The following PDE4D variants were observed in gnomAD, a reference collection of about 807,000 sequenced individuals.
PDE4D encodes the protein 3',5'-cyclic-AMP phosphodiesterase 4D.
Under a neutral mutation model 87.4 loss-of-function variants are expected in PDE4D, and 24 were observed. That is an observed-to-expected ratio of 0.27 (90% CI 0.20 to 0.39). The LOEUF (loss-of-function observed/expected upper bound fraction) is 0.39. Among genes scored for constraint, PDE4D ranks in the 10% least tolerant of loss-of-function variants. The pLI is 1.00. For synonymous variants in PDE4D, 384 were observed against 383.2 expected, an observed-to-expected ratio of 1.00 and a Z score of -0.02; for missense variants, 714 against 1,041.0, an observed-to-expected ratio of 0.69 and a Z score of 4.32.
At chr5:59,948,471 G>A (rs1269955250) in intron 3 of PDE4D, among the ~76,000 whole-genome samples, 2 of 152,190 alleles carry the variant, frequency 1.3e-5, no homozygotes, top group African/African-American at 4.8e-5. Flanking sequence ...GTTGTGCAGA[G>A]TGCAATTCTA....
intron 2 of PDE4D, among the ~76,000 whole-genome samples, chr5:60,013,140 C>G (rs796697362): frequency 6.6e-6 from 1 of 152,064 alleles, no homozygotes; most frequent in Non-Finnish European, 1.5e-5. Context: ...TTTTGGACCC[C>G]GTATAATCCT....
chr5:59,940,476 G>C (rs1007037166), intron 3 of PDE4D, among the ~76,000 whole-genome samples: 2 of 152,044 alleles, frequency 1.3e-5, no homozygotes, highest in Admixed American at 1.3e-4. Context: ...CAAACGAAAG[G>C]TATTTAAATG....
intron 1 of PDE4D, among the ~76,000 whole-genome samples, chr5:59,823,856 G>T (rs1769998631): frequency 6.8e-6 from 1 of 147,770 alleles, no homozygotes; most frequent in Non-Finnish European, 1.5e-5. Flanking sequence ...CTAGAATGCT[G>T]CTCTTCCCAC....
chr5:59,311,513 A>AAAAC (rs1375878153), intron 1 of PDE4D, among the ~76,000 whole-genome samples: 17 of 150,188 alleles, frequency 1.1e-4, no homozygotes, highest in African/African-American at 4.1e-4. Flanking sequence ...AAAAAAAAAA[A>AAAAC]AAAAAAAAAA....
At chr5:59,738,766 G>A (rs1344894569) in intron 1 of PDE4D, among the ~76,000 whole-genome samples, 1 of 151,152 alleles carries the variant, frequency 6.6e-6, no homozygotes, top group Non-Finnish European at 1.5e-5. Context: ...TCTATAATTT[G>A]TAAAATAATA....
intron 1 of PDE4D, among the ~76,000 whole-genome samples, chr5:59,507,483 G>A (rs749140008): frequency 4.6e-5 from 7 of 151,612 alleles, no homozygotes; most frequent in Non-Finnish European, 7.4e-5. Flanking sequence ...GCAACAAAGC[G>A]AGACCCAGTC....
chr5:60,026,824 G>C (rs900249463), intron 2 of PDE4D, among the ~76,000 whole-genome samples: 1 of 152,210 alleles, frequency 6.6e-6, no homozygotes, highest in African/African-American at 2.4e-5. Context: ...TCTCAGCATG[G>C]TATCCCAGAA....
rs199621778 is a variant in PDE4D at position 59,048,705 on chromosome 5, C to T, written c.809-9734G>A. ...AATTGAGGTATTCTCAGAAATAAAGCTATTAATAAATAGAAAGTTCTGGAG... is the reference window on the plus strand; with the variant it reads ...AATTGAGGTATTCTCAGAAATAAAGTTATTAATAAATAGAAAGTTCTGGAG... On this transcript the variant is annotated intron_variant, in intron 5 of 14. Transcript: ENST00000340635. 5.9e-5 allele frequency among the ~76,000 whole-genome samples: 9 copies of T among 152,262 alleles called. No homozygotes were observed. In the East Asian group the frequency reaches 1.5e-3, roughly 26 times the overall value.
chr5:60,418,118 A>T (rs1356059194), intron 1 of PDE4D, among the ~76,000 whole-genome samples: 1 of 152,192 alleles, frequency 6.6e-6, no homozygotes, highest in African/African-American at 2.4e-5. Flanking sequence ...TGAGTAGCTA[A>T]GTCTTGTCAC....
chr5:60,417,771 G>A (rs1742738127), intron 1 of PDE4D, among the ~76,000 whole-genome samples: 1 of 152,044 alleles, frequency 6.6e-6, no homozygotes, highest in Admixed American at 6.5e-5. Context: ...CACAAGTATA[G>A]TACAACATCG....
chr5:59,342,764 C>T (rs1052230313), intron 1 of PDE4D, among the ~76,000 whole-genome samples: 15 of 151,794 alleles, frequency 9.9e-5, no homozygotes, highest in Non-Finnish European at 1.8e-4. Context: ...CAGAAGTAGT[C>T]TTCATTTTCA....
intron 1 of PDE4D, among the ~76,000 whole-genome samples, chr5:59,365,039 G>T (rs1254706867): frequency 6.6e-6 from 1 of 152,038 alleles, no homozygotes; most frequent in Non-Finnish European, 1.5e-5. Flanking sequence ...AAACTCAAGG[G>T]TAATACAAAA....
Position 59,917,254 on chromosome 5 carries a change from G to A in PDE4D, c.272+71234C>T, listed in dbSNP as rs796680285. On this transcript the variant is annotated intron_variant, in intron 3 of 16. Transcript: ENST00000502484. ...CTAATGAAAACAAAGTCACAGGCTTGATTCTGATCTGTGTCATTAACCTCA... is the reference window on the plus strand; with the variant it reads ...CTAATGAAAACAAAGTCACAGGCTTAATTCTGATCTGTGTCATTAACCTCA... 2.6e-5 allele frequency among the ~76,000 whole-genome samples: 4 copies of A among 152,236 alleles called. No homozygotes were observed. In the East Asian group the frequency reaches 5.8e-4, roughly 22 times the overall value.
At chr5:60,202,610 A>C (rs1216699847) in intron 1 of PDE4D, among the ~76,000 whole-genome samples, 2 of 152,266 alleles carry the variant, frequency 1.3e-5, no homozygotes, top group African/African-American at 4.8e-5. Context: ...AGTAAGGAAA[A>C]TAAATATGTC....
At chr5:59,031,953 A>T (rs1757626033) in intron 6 of PDE4D, among the ~76,000 whole-genome samples, 3 of 151,984 alleles carry the variant, frequency 2.0e-5, no homozygotes, top group African/African-American at 7.3e-5. Flanking sequence ...GGGAGAGAGA[A>T]ATGGAAGATG....
chr5:60,224,220 G>C (rs550468193), intron 1 of PDE4D, among the ~76,000 whole-genome samples: 1 of 152,122 alleles, frequency 6.6e-6, no homozygotes, highest in East Asian at 1.9e-4. Context: ...TGTTCCCTTG[G>C]GAGTCAGTTT....
At chr5:60,316,917 A>G (rs186450435) in intron 1 of PDE4D, among the ~76,000 whole-genome samples, 2,496 of 152,188 alleles carry the variant, frequency 0.016, 31 homozygotes, top group Non-Finnish European at 0.027. Flanking sequence ...TTTTGCATTG[A>G]TGTTCATTAG....
intron 1 of PDE4D, among the ~76,000 whole-genome samples, chr5:59,385,677 G>A (rs1394528180): frequency 6.6e-6 from 1 of 152,074 alleles, no homozygotes; most frequent in African/African-American, 2.4e-5. Flanking sequence ...GCAGACAATG[G>A]CTATTTGATA....
intron 1 of PDE4D, among the ~76,000 whole-genome samples, chr5:59,547,272 T>C (rs1379771781): frequency 1.3e-5 from 2 of 152,142 alleles, no homozygotes; most frequent in Non-Finnish European, 2.9e-5. Context: ...GTGAATTTTA[T>C]TTATCTATGA....
Sources: allele counts gnomAD v4.1 joint callset (sites outside exome capture counted in the v4.1 genomes callset), GRCh38; gene constraint gnomAD v4.1.1; transcripts MANE v1.5; gene names NCBI Gene and HGNC (gene_info 2026-07-23, HGNC 2026-07-21).